ELMO1: variants seen among roughly 807,000 people sequenced by gnomAD.
ELMO1 encodes the protein engulfment and cell motility 1, also known as engulfment and cell motility protein 1.
A neutral mutation model predicts 98.9 loss-of-function variants in ELMO1; 26 were observed. The observed-to-expected ratio is 0.26, with a 90% CI of 0.19 to 0.36. The LOEUF is 0.36. Among genes scored for constraint, ELMO1 ranks in the 10% least tolerant of loss-of-function variants. The probability of loss-of-function intolerance (pLI) is 1.00; values close to 1 mark genes in which losing one functional copy is unlikely to be tolerated. For missense variants in ELMO1, 627 were observed against 935.2 expected (o/e 0.67, Z 4.30); for synonymous variants, 346 against 346.0 (o/e 1.00, Z 0.00).
chr7:37,338,342 G>A (rs1800532584), intron 2 of ELMO1, among the ~76,000 whole-genome samples: 1 of 152,148 alleles, frequency 6.6e-6, no homozygotes, highest in Admixed American at 6.5e-5. Flanking sequence ...CCCCATGGTG[G>A]TGGTATAAAA....
At chr7:37,202,320 G>A (rs763453537) in intron 13 of ELMO1, among the ~76,000 whole-genome samples, 2 of 152,154 alleles carry the variant, frequency 1.3e-5, no homozygotes, top group African/African-American at 2.4e-5. Context: ...GTGGCAAAAA[G>A]AGAATACCAC....
At chr7:36,879,999 G>A (rs1264535687) in intron 18 of ELMO1, among the ~76,000 whole-genome samples, 2 of 152,204 alleles carry the variant, frequency 1.3e-5, no homozygotes, top group Non-Finnish European at 2.9e-5. Context: ...GGAGGCAATG[G>A]CTTTCTGAAC....
At chr7:37,038,621 T>C (rs1278245920) in intron 15 of ELMO1, among the ~76,000 whole-genome samples, 2 of 152,252 alleles carry the variant, frequency 1.3e-5, no homozygotes, top group African/African-American at 2.4e-5. Flanking sequence ...AGCTTCCTTC[T>C]TGCTTAGAGA....
At chr7:37,204,035 C>A (rs182099023) in intron 13 of ELMO1, 2 of 450,484 alleles carry the variant, frequency 4.4e-6, no homozygotes, top group East Asian at 1.4e-4. Flanking sequence ...CCAACAGGTG[C>A]CCAGTATTTA....
intron 2 of ELMO1, among the ~76,000 whole-genome samples, chr7:37,323,939 C>G (rs1477996442): frequency 1.3e-5 from 2 of 152,112 alleles, no homozygotes; most frequent in African/African-American, 4.8e-5. Flanking sequence ...TCTTCTTGAT[C>G]TCTTAAAAAA....
chr7:36,981,887 G>A lies in ELMO1; in HGVS notation c.1437+31412C>T, dbSNP rs547712374. 3.9e-5 allele frequency among the ~76,000 whole-genome samples: 6 copies of A among 152,334 alleles called. No individual in the cohort carries two copies. In the East Asian group the frequency reaches 9.6e-4, roughly 24 times the overall value. ...CTGTTTCTCTGTTACCAGAGCAGGT[G>A]GTCCAGGTACCTTGTGGAGGTAAAA... On this transcript the variant is annotated intron_variant, in intron 16 of 21. Coordinates refer to ENST00000310758, the MANE Select transcript of ELMO1 (RefSeq NM_014800.11).
chr7:37,004,769 T>C (rs886448766), intron 16 of ELMO1, among the ~76,000 whole-genome samples: 4 of 152,290 alleles, frequency 2.6e-5, no homozygotes, highest in South Asian at 4.1e-4. Flanking sequence ...CAGCTAAAGA[T>C]AGCAGTCAAC....
At chr7:36,970,319 C>T (rs201237215) in intron 16 of ELMO1, among the ~76,000 whole-genome samples, 3 of 152,128 alleles carry the variant, frequency 2.0e-5, no homozygotes, top group East Asian at 1.9e-4. Context: ...CACACATGCA[C>T]GGCATTCTAT....
At chr7:37,173,878 G>A (rs10951509) in intron 13 of ELMO1, among the ~76,000 whole-genome samples, 96,415 of 152,066 alleles carry the variant, frequency 0.63, 33,137 homozygotes, top group Non-Finnish European at 0.76. Flanking sequence ...CCACATGGTG[G>A]TGGCTGCCCC....
chr7:37,352,405 C>T (rs774447665), intron 1 of ELMO1, among the ~76,000 whole-genome samples: 1 of 152,208 alleles, frequency 6.6e-6, no homozygotes, highest in Non-Finnish European at 1.5e-5. Context: ...CTGGGCTCTA[C>T]GCCGTTCTTT....
chr7:37,347,380 C>T (rs1378243969), intron 1 of ELMO1, among the ~76,000 whole-genome samples: 2 of 152,132 alleles, frequency 1.3e-5, no homozygotes, highest in Non-Finnish European at 2.9e-5. Context: ...ACCTGGCCTC[C>T]ACCCTCTAGA....
Position 36,935,391 on chromosome 7 carries a change from A to G in ELMO1, c.1438-40374T>C, listed in dbSNP as rs1786435814. Among the ~76,000 whole-genome samples the G allele has an allele frequency of 2.0e-5, 3 of 151,780 alleles. No individual in the cohort carries two copies. The South Asian group carries it at 6.2e-4, about 32-fold the overall frequency. ...TATCAGCCACACGTAAAGGACTAAAACAGCCTTGTCCCTTCTAAAAAAAAA... is the reference window on the plus strand; with the variant it reads ...TATCAGCCACACGTAAAGGACTAAAGCAGCCTTGTCCCTTCTAAAAAAAAA... On this transcript the variant is annotated intron_variant, in intron 16 of 21. Transcript: ENST00000310758.
intron 16 of ELMO1, among the ~76,000 whole-genome samples, chr7:36,951,291 C>T (rs1787945162): frequency 6.6e-6 from 1 of 152,234 alleles, no homozygotes; most frequent in Non-Finnish European, 1.5e-5. Flanking sequence ...AATCCTATCC[C>T]TTCACTTTGG....
Position 36,943,845 on chromosome 7 carries a change from G to A in ELMO1, c.1438-48828C>T, listed in dbSNP as rs1787254030. ...TTTTTCCTCGAGAGCTCCCTTCCTGGCTTTCCATGAAAGTCATGCTAACTT... is the reference window on the plus strand; with the variant it reads ...TTTTTCCTCGAGAGCTCCCTTCCTGACTTTCCATGAAAGTCATGCTAACTT... On this transcript the variant is annotated intron_variant, in intron 16 of 21. Transcript: ENST00000310758. Among the ~76,000 whole-genome samples the A allele has an allele frequency of 2.6e-5, 4 of 152,220 alleles. No individual in the cohort carries two copies. The South Asian group carries it at 8.3e-4, about 32-fold the overall frequency.
intron 14 of ELMO1, among the ~76,000 whole-genome samples, chr7:37,114,297 G>A (rs1785429937): frequency 6.6e-6 from 1 of 152,226 alleles, no homozygotes; most frequent in Non-Finnish European, 1.5e-5. Context: ...AGATACAGGA[G>A]AGAGGTTTGA....
At chr7:37,277,891 G>A (rs955306467) in intron 4 of ELMO1, among the ~76,000 whole-genome samples, 1 of 152,150 alleles carries the variant, frequency 6.6e-6, no homozygotes, top group Non-Finnish European at 1.5e-5. Flanking sequence ...TAGGCAGATG[G>A]CATGACTGCT....
At chr7:37,009,547 G>A (rs1005753070) in intron 16 of ELMO1, among the ~76,000 whole-genome samples, 21 of 152,150 alleles carry the variant, frequency 1.4e-4, no homozygotes, top group African/African-American at 5.1e-4. Context: ...AAGGAAGGCG[G>A]GCTGCAGAAG....
intron 13 of ELMO1, among the ~76,000 whole-genome samples, chr7:37,153,924 C>T (rs1408153739): frequency 6.6e-6 from 1 of 152,186 alleles, no homozygotes; most frequent in Non-Finnish European, 1.5e-5. Context: ...ACACCTCATA[C>T]AGGTGGGTGC....
At chr7:37,192,493 A>C (rs1584788580) in intron 13 of ELMO1, among the ~76,000 whole-genome samples, 1 of 77,910 alleles carries the variant, frequency 1.3e-5, no homozygotes, top group Non-Finnish European at 2.5e-5. Context: ...GCAAGACTCC[A>C]TCTCAAAAAA....
Sources: allele counts gnomAD v4.1 joint callset (sites outside exome capture counted in the v4.1 genomes callset), GRCh38; gene constraint gnomAD v4.1.1; transcripts MANE v1.5; gene names NCBI Gene and HGNC (gene_info 2026-07-23, HGNC 2026-07-21).